MAP2K2: variants seen among roughly 807,000 people sequenced by gnomAD.
MAP2K2 encodes dual specificity mitogen-activated protein kinase kinase 2.
A neutral mutation model predicts 43.7 loss-of-function variants in MAP2K2; 24 were observed. The ratio of observed to expected loss-of-function variants is 0.55; its 90% CI spans 0.40 to 0.77. MAP2K2 has a LOEUF of 0.77. Among genes scored for constraint, MAP2K2 ranks in the 30% least tolerant of loss-of-function variants. The pLI is 0.00. For missense variants in MAP2K2, 470 were observed against 566.8 expected, an observed-to-expected ratio of 0.83 and a Z score of 1.73; for synonymous variants, 244 against 239.7, an observed-to-expected ratio of 1.02 and a Z score of -0.17.
chr19:4,097,377 C>A (rs779939393), intron 7 of MAP2K2, 34 bp from the exon 8 acceptor site: 2 of 1,539,436 alleles, frequency 1.3e-6, no homozygotes, highest in Non-Finnish European at 1.8e-6. Flanking sequence ...TGAGATGGGC[C>A]GATGGCCACC....
rs141826801 is a variant in MAP2K2 at position 4,117,961 on chromosome 19, G to A, written c.93-332C>T. Among the ~76,000 whole-genome samples the A allele has an allele frequency of 1.7e-3, 255 of 151,560 alleles. 4 individuals carry two copies. In the East Asian group the frequency reaches 0.045, roughly 27 times the overall value. On this transcript the variant is annotated intron_variant, in intron 1 of 10. Coordinates refer to ENST00000262948, the MANE Select transcript of MAP2K2 (RefSeq NM_030662.4). ...TTTCTTTTTCTTTTTTTTTTGAGAC[G>A]GAGTCTCCCTCTGTTGCTCAGGCTG...
intron 2 of MAP2K2, among the ~76,000 whole-genome samples, chr19:4,112,470 C>T (rs529458291): frequency 2.6e-5 from 4 of 152,302 alleles, no homozygotes; most frequent in Non-Finnish European, 2.9e-5. Context: ...AAGGAGCCCT[C>T]GCTGTGTTCA....
chr19:4,122,445 T>C (rs926280672), intron 1 of MAP2K2, among the ~76,000 whole-genome samples: 105 of 16,630 alleles, frequency 6.3e-3, no homozygotes, highest in East Asian at 8.0e-3. Flanking sequence ...CACCCCATCT[T>C]TCCCCCATAG....
chr19:4,097,864 C>A (rs566740250), intron 7 of MAP2K2, among the ~76,000 whole-genome samples: 1 of 120,134 alleles, frequency 8.3e-6, no homozygotes, highest in African/African-American at 2.7e-5. Context: ...CTGAAATGGG[C>A]AGGTGGGCTG....
Position 4,117,681 on chromosome 19 carries a change from G to T in MAP2K2, c.93-52C>A, listed in dbSNP as rs2145081148. On this transcript the variant is annotated intron_variant, in intron 1 of 10. Transcript: ENST00000262948. The stretch of plus-strand genomic sequence containing the variant: ...TAGCTACCTAGGGAGACTCCATCTG[G>T]CCGTTTGCTATGTGGCCGTGGTGCA... 1.9e-6 allele frequency: 3 copies of T among 1,561,394 alleles called. No homozygotes were observed. In the East Asian group the frequency reaches 6.7e-5, roughly 35 times the overall value.
At chr19:4,107,285 G>A (rs1421709487) in intron 3 of MAP2K2, among the ~76,000 whole-genome samples, 1 of 152,012 alleles carries the variant, frequency 6.6e-6, no homozygotes, top group Non-Finnish European at 1.5e-5. Context: ...GCACTTTTGG[G>A]AGGCAGAGGC....
At chr19:4,093,485 G>A (rs909272980) in intron 10 of MAP2K2, among the ~76,000 whole-genome samples, 1 of 152,102 alleles carries the variant, frequency 6.6e-6, no homozygotes. Flanking sequence ...GAGGTCAGGA[G>A]TTTGAGGCCA....
intron 7 of MAP2K2, among the ~76,000 whole-genome samples, chr19:4,097,846 T>G (rs867658440): frequency 2.6e-5 from 4 of 152,148 alleles, no homozygotes; most frequent in South Asian, 4.1e-4. Flanking sequence ...TTTCGCCTTC[T>G]GCCCGTCCTG....
chr19:4,117,400 C>T lies in MAP2K2; in HGVS notation c.303+19G>A, dbSNP rs2041235997. ...CCTTCCCCACCACTCCCCGACCTCC[C>T]CGACCCCGCAGTGCTCACCTTCCTG... On this transcript the variant is annotated intron_variant, in intron 2 of 10. Coordinates refer to ENST00000262948, the MANE Select transcript of MAP2K2 (RefSeq NM_030662.4). The T allele has an allele frequency of 6.2e-7, 1 of 1,610,516 alleles. No individual in the cohort carries two copies. The highest frequency in any genetic ancestry group is 8.5e-7 in the Non-Finnish European group (1 of 1,179,606).
intron 3 of MAP2K2, among the ~76,000 whole-genome samples, chr19:4,105,112 G>T (rs1440486015): frequency 6.6e-6 from 1 of 150,860 alleles, no homozygotes; most frequent in Non-Finnish European, 1.5e-5. Flanking sequence ...GCTGTGTACT[G>T]CTGACCCCAA....
intron 8 of MAP2K2, among the ~76,000 whole-genome samples, chr19:4,096,207 AAGAGGCGGGGG>A (rs1180740863): frequency 2.0e-5 from 3 of 152,110 alleles, no homozygotes; most frequent in African/African-American, 4.8e-5. Flanking sequence ...CAGGGGCGGG[AAGAGGCGGGGG>A]AGAGGTCGGG....
intron 3 of MAP2K2, among the ~76,000 whole-genome samples, chr19:4,105,155 C>CGTGTGTGTGTGTGTGT (rs61710801): frequency 6.1e-4 from 84 of 137,748 alleles, no homozygotes; most frequent in African/African-American, 2.1e-3. Flanking sequence ...ACACGTCTAC[C>CGTGTGTGTGTGTGTGT]GTGTGTGTGT....
rs2041015732 is a variant in MAP2K2, at chr19:4,101,803, T to C, written c.529-523A>G. On this transcript the variant is annotated intron_variant, in intron 4 of 10. Transcript: ENST00000262948. This position sits in a 1 kb window ranked among gnomAD's most constrained non-coding sequence, Gnocchi z 6.3. ...AGCTTTCAACTCGGAAACGCGTGTCTGGCAGCATGCGTCCTGTGTCTTAAT... is the reference window on the plus strand; with the variant it reads ...AGCTTTCAACTCGGAAACGCGTGTCCGGCAGCATGCGTCCTGTGTCTTAAT... Among the ~76,000 whole-genome samples the C allele has an allele frequency of 6.6e-6, 1 of 152,152 alleles. No individual in the cohort carries two copies. Among genetic ancestry groups the C allele is most frequent in the South Asian group, 2.1e-4 (1 of 4,822 alleles).
At chr19:4,102,785 C>A (rs2041033158) in intron 3 of MAP2K2, 7 of 1,258,246 alleles carry the variant, frequency 5.6e-6, no homozygotes, top group Non-Finnish European at 7.1e-6. Context: ...GGGGCTCAGG[C>A]AGCTGTGGGG....
intron 3 of MAP2K2, among the ~76,000 whole-genome samples, chr19:4,105,155 CGTGTGTGTGTGT>C (rs61710801): frequency 0.17 from 23,287 of 137,634 alleles, 2,164 homozygotes; most frequent in East Asian, 0.27. Context: ...ACACGTCTAC[CGTGTGTGTGTGT>C]GTGTGTGTGT....
Position 4,095,468 on chromosome 19 carries a change from G to C in MAP2K2, c.985-19C>G. On this transcript the variant is annotated intron_variant, in intron 8 of 10. Coordinates refer to ENST00000262948, the MANE Select transcript of MAP2K2 (RefSeq NM_030662.4). ...GAGGTGGCTGTGGAGGAGAACAGAG[G>C]GTGGGGTCAGCCCTGGGCATCGTCA... The C allele has an allele frequency of 6.5e-7, 1 of 1,549,938 alleles. No homozygotes were observed. Among genetic ancestry groups the C allele is most frequent in the Non-Finnish European group, 8.7e-7 (1 of 1,145,702 alleles).
intron 7 of MAP2K2, 58 bp from the exon 8 acceptor site, chr19:4,097,401 G>GAGCCCAACCCCCAGCAGAA: frequency 7.2e-7 from 1 of 1,384,336 alleles, no homozygotes; most frequent in Non-Finnish European, 1.0e-6. Flanking sequence ...CTTCTGCTGG[G>GAGCCCAACCCCCAGCAGAA]GGTTGGGCTC....
intron 8 of MAP2K2, among the ~76,000 whole-genome samples, chr19:4,096,942 TG>T (rs2040926638): frequency 6.6e-6 from 1 of 151,296 alleles, no homozygotes; most frequent in Non-Finnish European, 1.5e-5. Context: ...CACGTGGAAT[TG>T]GTTCAAGAAT....
rs374526051 is a variant in MAP2K2 at position 4,099,226 on chromosome 19, C to T, written c.894G>A (p.Pro298=). ...EGEPHSISPR[P]RPPGRPVSGH... is the part of the protein sequence containing the mutation. The stretch of plus-strand genomic sequence containing the variant: ...CGCTGACGGGGCGCCCGGGGGGCCT[C>T]GGCCGAGGCGAGATGCTGTGAGGCT... Residue 298 remains proline, a synonymous_variant, in exon 7 of 11, where the codon CCG becomes CCA. Transcript: ENST00000262948. 42 of 1,603,364 alleles carry T rather than the reference C, an allele frequency of 2.6e-5. No individual in the cohort carries two copies. Among genetic ancestry groups the T allele is most frequent in the African/African-American group, 1.2e-4 (9 of 74,814 alleles).
Sources: gnomAD v4.1 joint callset for allele counts (sites outside exome capture counted in the v4.1 genomes callset) on GRCh38, gnomAD v4.1.1 for gene constraint, Gnocchi (gnomAD v3.1) non-coding constraint, MANE v1.5 for transcripts, NCBI Gene and HGNC (gene_info 2026-07-23, HGNC 2026-07-21) for gene names.